Variants in PDE1C observed in about 807,000 individuals in gnomAD.
PDE1C encodes the protein phosphodiesterase 1C.
PDE1C carries 62 observed loss-of-function variants against 93.1 expected under a neutral mutation model. That is an observed-to-expected ratio of 0.67 (90% confidence interval 0.54 to 0.82). The LOEUF is 0.82. Among genes scored for constraint, PDE1C ranks in the 40% least tolerant of loss-of-function variants. The pLI is 0.00. For missense variants in PDE1C, 742 were observed against 884.6 expected, an observed-to-expected ratio of 0.84 and a Z score of 2.04; for synonymous variants, 325 against 310.1, an observed-to-expected ratio of 1.05 and a Z score of -0.50.
At chr7:31,933,741 G>A (rs577803176) in intron 2 of PDE1C, among the ~76,000 whole-genome samples, 1 of 152,306 alleles carries the variant, frequency 6.6e-6, no homozygotes, top group Non-Finnish European at 1.5e-5. Flanking sequence ...TGAGAGATCT[G>A]TTGGTTTAAA....
intron 3 of PDE1C, among the ~76,000 whole-genome samples, chr7:32,158,948 A>G: frequency 6.6e-6 from 1 of 152,186 alleles, no homozygotes; most frequent in East Asian, 1.9e-4. Flanking sequence ...CACAAATCAA[A>G]CAGTTCCTTC....
chr7:31,626,201 A>G, the PDE1C span, among the ~76,000 whole-genome samples: 1 of 152,224 alleles, frequency 6.6e-6, no homozygotes. Context: ...TTGTAAAAGC[A>G]AAGTTCTTTA....
At chr7:31,841,227 C>CTCTCTCTCTCTCTATA (rs751320538) in intron 9 of PDE1C, among the ~76,000 whole-genome samples, 42 of 142,278 alleles carry the variant, frequency 3.0e-4, no homozygotes, top group African/African-American at 9.8e-4. Flanking sequence ...CTCTCTCTCT[C>CTCTCTCTCTCTCTATA]TATATATATA....
At chr7:32,177,351 G>A (rs1444984409) in intron 2 of PDE1C, among the ~76,000 whole-genome samples, 2 of 152,168 alleles carry the variant, frequency 1.3e-5, no homozygotes, top group African/African-American at 4.8e-5. Flanking sequence ...CATCCCGTGG[G>A]TGTATTCACC....
chr7:31,859,847 C>T (rs930275320), intron 7 of PDE1C, among the ~76,000 whole-genome samples: 1 of 152,032 alleles, frequency 6.6e-6, no homozygotes. Flanking sequence ...TATACATGTG[C>T]TATGTTTAAT....
At chr7:32,268,117 C>G (rs1481387352) in intron 1 of PDE1C, among the ~76,000 whole-genome samples, 1 of 152,206 alleles carries the variant, frequency 6.6e-6, no homozygotes, top group Non-Finnish European at 1.5e-5. Flanking sequence ...ATGTGGAGGT[C>G]CATTCCTAGG....
intron 2 of PDE1C, among the ~76,000 whole-genome samples, chr7:32,032,811 G>C (rs1205114486): frequency 6.6e-6 from 1 of 152,084 alleles, no homozygotes; most frequent in African/African-American, 2.4e-5. Flanking sequence ...CCCCATCCCA[G>C]CTCTGCGGGA....
At chr7:31,732,636 T>TGTGTG in the PDE1C span, among the ~76,000 whole-genome samples, 33 of 103,204 alleles carry the variant, frequency 3.2e-4, no homozygotes, top group African/African-American at 1.0e-3. Context: ...TCTCCTCTCT[T>TGTGTG]TCTGTGTGTG....
chr7:32,327,777 A>T (rs1783433970), intron 1 of PDE1C, among the ~76,000 whole-genome samples: 1 of 151,546 alleles, frequency 6.6e-6, no homozygotes, highest in East Asian at 1.9e-4. Flanking sequence ...CTCAAAAAAA[A>T]AAAAAAAAAA....
At chr7:32,323,186 A>T in intron 1 of PDE1C, among the ~76,000 whole-genome samples, 1 of 152,216 alleles carries the variant, frequency 6.6e-6, no homozygotes. Context: ...TCCTGGGTTT[A>T]CAAAGAATGT....
At chr7:31,648,259 A>G in the PDE1C span, among the ~76,000 whole-genome samples, 7 of 152,154 alleles carry the variant, frequency 4.6e-5, no homozygotes, top group African/African-American at 1.4e-4. Flanking sequence ...GTTTGTTTCA[A>G]TGGGTTTGGG....
intron 2 of PDE1C, among the ~76,000 whole-genome samples, chr7:31,915,073 A>G (rs1801710445): frequency 2.6e-5 from 4 of 152,106 alleles, no homozygotes; most frequent in African/African-American, 9.7e-5. Flanking sequence ...TCAAATATTC[A>G]CTCATCCCAT....
chr7:32,329,807 T>A (rs1284366470), intron 1 of PDE1C, among the ~76,000 whole-genome samples: 1 of 152,122 alleles, frequency 6.6e-6, no homozygotes, highest in Non-Finnish European at 1.5e-5. Flanking sequence ...CAGAAGGGAA[T>A]GTGGGGTTTT....
rs141057400 is a variant in PDE1C at position 32,392,482 on chromosome 7, T to C, written c.310+35340A>G. ...TATCCTGATATCAAAGCCAAAGATA[T>C]CACAAGAAAAGAAAACTACACCAAT... is the stretch of plus-strand genomic sequence containing the variant. On this transcript the variant is annotated intron_variant, in intron 1 of 1. Transcript: ENST00000672256. Among the ~76,000 whole-genome samples the C allele has an allele frequency of 3.2e-3, 480 of 152,054 alleles. 5 individuals are homozygous for C. The highest frequency in any genetic ancestry group is 0.01 in the African/African-American group (418 of 41,476).
At chr7:32,011,383 A>C (rs544140958) in intron 2 of PDE1C, among the ~76,000 whole-genome samples, 1 of 151,988 alleles carries the variant, frequency 6.6e-6, no homozygotes, top group African/African-American at 2.4e-5. Flanking sequence ...TAGTAGAGAC[A>C]GGGTTTTGCC....
At chr7:32,393,585 G>C (rs1784790069) in intron 1 of PDE1C, among the ~76,000 whole-genome samples, 1 of 152,072 alleles carries the variant, frequency 6.6e-6, no homozygotes, top group South Asian at 2.1e-4. Flanking sequence ...TCCTAGGATG[G>C]ATCAGTCATC....
chr7:32,293,822 T>C (rs1812478531), intron 1 of PDE1C, among the ~76,000 whole-genome samples: 1 of 152,158 alleles, frequency 6.6e-6, no homozygotes, highest in Admixed American at 6.5e-5. Flanking sequence ...CTTTGCTCCC[T>C]GCCATCACTC....
chr7:31,812,092 A>G (rs1787627642), intron 15 of PDE1C, among the ~76,000 whole-genome samples: 1 of 152,140 alleles, frequency 6.6e-6, no homozygotes, highest in Non-Finnish European at 1.5e-5. Flanking sequence ...GCAGTTATAA[A>G]TCATTTTAAT....
At chr7:32,091,535 G>T (rs1317796988) in intron 3 of PDE1C, among the ~76,000 whole-genome samples, 5 of 152,196 alleles carry the variant, frequency 3.3e-5, no homozygotes, top group African/African-American at 9.6e-5. Context: ...AGAAGAGTAA[G>T]TCAGGAAGGG....
Sources: allele counts gnomAD v4.1 joint callset (sites outside exome capture counted in the v4.1 genomes callset), GRCh38; gene constraint gnomAD v4.1.1; transcripts MANE v1.5; gene names NCBI Gene and HGNC (gene_info 2026-07-23, HGNC 2026-07-21).